CYLD: variants seen among roughly 807,000 people sequenced by gnomAD.
CYLD encodes ubiquitin carboxyl-terminal hydrolase CYLD.
A neutral mutation model predicts 104.5 loss-of-function variants in CYLD; 26 were observed. That is an observed-to-expected ratio of 0.25 (90% CI 0.18 to 0.35). The LOEUF (loss-of-function observed/expected upper bound fraction) is 0.35. CYLD is among the 10% of genes least tolerant of loss of function. CYLD has a pLI of 1.00. For missense variants in CYLD, 703 were observed against 1,136.1 expected, an observed-to-expected ratio of 0.62 and a Z score of 5.48; for synonymous variants, 385 against 399.9, an observed-to-expected ratio of 0.96 and a Z score of 0.45.
intron 7 of CYLD, 65 bp from the exon 8 acceptor site, chr16:50,777,756 TCTTA>T (rs1463666010): frequency 1.3e-6 from 1 of 797,584 alleles, no homozygotes; most frequent in Non-Finnish European, 2.2e-6. Flanking sequence ...TAATAATTTC[TCTTA>T]CTAAAAAAAA....
intron 5 of CYLD, among the ~76,000 whole-genome samples, chr16:50,766,905 T>C (rs1968583933): frequency 6.6e-6 from 1 of 152,234 alleles, no homozygotes; most frequent in Admixed American, 6.5e-5. Context: ...CTGGTGAGGA[T>C]ATTGTGAACA....
At chr16:50,765,344 A>G (rs1686927320) in intron 5 of CYLD, among the ~76,000 whole-genome samples, 1 of 152,146 alleles carries the variant, frequency 6.6e-6, no homozygotes, top group Non-Finnish European at 1.5e-5. Flanking sequence ...AAATTGTTTT[A>G]AGGCACCACA....
chr16:50,784,136 G>A, intron 11 of CYLD, 193 bp from the exon 12 acceptor site: 1 of 562,226 alleles, frequency 1.8e-6, no homozygotes. Context: ...AACATGGAAG[G>A]ATCTGTAGGT....
In CYLD at chr16:50,784,386, C is replaced by T. The variant is rs753958553; in HGVS notation, c.1884C>T (p.Asn628=). ...DTVLLRPKEK[N]DVEYYSETQE... ...TGTTACTTAGACCCAAAGAAAAGAACGATGTAGAATATTATAGTGAAACCC... is the reference window on the plus strand; with the variant it reads ...TGTTACTTAGACCCAAAGAAAAGAATGATGTAGAATATTATAGTGAAACCC... The change falls in exon 12 of 19, where the codon AAC becomes AAT. Residue 628 remains asparagine, a synonymous_variant. Transcript: ENST00000427738. The T allele has an allele frequency of 7.5e-5, 121 of 1,613,036 alleles. No individual in the cohort carries two copies. The highest frequency in any genetic ancestry group is 9.4e-5 in the Non-Finnish European group (111 of 1,179,452).
intron 7 of CYLD, among the ~76,000 whole-genome samples, chr16:50,776,634 A>G (rs1399644247): frequency 6.6e-6 from 1 of 152,208 alleles, no homozygotes; most frequent in African/African-American, 2.4e-5. Flanking sequence ...CTAGAGGTTA[A>G]TTAAATGGAT....
At position 50,797,870 on chromosome 16, in the gene CYLD, T is replaced by TA. The variant is rs528827194; in HGVS notation, c.*1363dup. The TA allele has an allele frequency of 1.6e-4, 38 of 232,488 alleles. No individual in the cohort carries two copies. Among genetic ancestry groups the TA allele is most frequent in the Non-Finnish European group, 2.5e-4 (30 of 117,658 alleles). 14.4% of individuals were successfully genotyped at this position (232,488 alleles called of 1,614,324 possible). On this transcript the variant is annotated 3_prime_UTR_variant, in exon 19 of 19. Transcript: ENST00000427738. ...TGGTTTTATCATTCCATTTTGCTAA[T>TA]ATTTACTAGCTTTATAAATTACAGT...
chr16:50,749,641 T>C lies in CYLD; in HGVS notation c.-58T>C. On this transcript the variant is annotated 5_prime_UTR_variant, in exon 3 of 19. It removes an upstream start codon present in the reference 5' UTR. Transcript: ENST00000427738. ...ACTGAATTTATCTTTTGCGGTTTTA[T>C]GACAAAGTTATTAGTAGTTTCCCTT... is the stretch of plus-strand genomic sequence containing the variant. The C allele has an allele frequency of 6.4e-7, 1 of 1,571,154 alleles. No individual in the cohort carries two copies. Among genetic ancestry groups the C allele is most frequent in the African/African-American group, 1.3e-5 (1 of 74,232 alleles).
chr16:50,781,026 A>T (rs1312062519), intron 9 of CYLD, among the ~76,000 whole-genome samples: 1 of 152,196 alleles, frequency 6.6e-6, no homozygotes, highest in East Asian at 1.9e-4. Context: ...AAATACAAGA[A>T]GGACTTCATG....
Position 50,780,062 on chromosome 16 carries a change from A to C in CYLD, c.1518+18A>C. The C allele has an allele frequency of 6.2e-7, 1 of 1,613,438 alleles. No homozygotes were observed. The highest frequency in any genetic ancestry group is 1.1e-5 in the South Asian group (1 of 91,054). ...TGGAACTGGTAATTTAACTTGACCC[A>C]AAAATTTCAATTTTTTTCTCTGTGA... On this transcript the variant is annotated intron_variant, in intron 9 of 18. Transcript: ENST00000427738.
intron 5 of CYLD, among the ~76,000 whole-genome samples, chr16:50,760,061 TG>T (rs974260647): frequency 2.6e-5 from 4 of 152,226 alleles, no homozygotes; most frequent in African/African-American, 9.6e-5. Context: ...ACATCTTACT[TG>T]CTTTATATGT....
At chr16:50,743,235 C>G (rs1052074059) in intron 2 of CYLD, among the ~76,000 whole-genome samples, 2 of 152,170 alleles carry the variant, frequency 1.3e-5, no homozygotes, top group Non-Finnish European at 2.9e-5. Flanking sequence ...CTCAGAGAAG[C>G]ACCCAGGCCT....
intron 11 of CYLD, among the ~76,000 whole-genome samples, chr16:50,782,763 C>T (rs1238900189): frequency 6.6e-6 from 1 of 152,086 alleles, no homozygotes; most frequent in African/African-American, 2.4e-5. Flanking sequence ...TCTCAAACAA[C>T]ATAACTTGCA....
chr16:50,789,543 T>A (rs1025763166), intron 14 of CYLD, among the ~76,000 whole-genome samples: 3 of 152,026 alleles, frequency 2.0e-5, no homozygotes, highest in African/African-American at 7.3e-5. Context: ...CCTGGGAAGT[T>A]CTTACACCCC....
At chr16:50,761,772 A>ATCTATCTATCTATCTATCTG (rs1198684250) in intron 5 of CYLD, among the ~76,000 whole-genome samples, 1 of 151,840 alleles carries the variant, frequency 6.6e-6, no homozygotes, top group African/African-American at 2.4e-5. Context: ...CTATCTATCT[A>ATCTATCTATCTATCTATCTG]TCTATATCTT....
chr16:50,781,151 A>G (rs1317330259), intron 9 of CYLD, 95 bp from the exon 10 acceptor site: 2 of 1,356,932 alleles, frequency 1.5e-6, no homozygotes, highest in Non-Finnish European at 2.1e-6. Context: ...GTGGTGAGAA[A>G]GGGTATACTA....
intron 17 of CYLD, among the ~76,000 whole-genome samples, chr16:50,793,917 G>C (rs914806014): frequency 7.1e-6 from 1 of 140,572 alleles, no homozygotes; most frequent in African/African-American, 2.8e-5. Flanking sequence ...TCTCATTAAT[G>C]ACATTTTTTT....
chr16:50,745,678 C>T (rs976776172), intron 2 of CYLD, among the ~76,000 whole-genome samples: 5 of 152,138 alleles, frequency 3.3e-5, no homozygotes, highest in Non-Finnish European at 7.4e-5. Flanking sequence ...ACTTCAGCCT[C>T]CAAAGTGCTG....
chr16:50,768,796 A>G (rs1968802966), intron 5 of CYLD, among the ~76,000 whole-genome samples: 1 of 152,068 alleles, frequency 6.6e-6, no homozygotes, highest in Non-Finnish European at 1.5e-5. Context: ...TTTTTTGACG[A>G]TCTCTACGAT....
chr16:50,779,726 A>C lies in CYLD; in HGVS notation c.1200A>C (p.Pro400=), dbSNP rs761420743. The C allele has an allele frequency of 1.2e-6, 2 of 1,613,938 alleles. No individual in the cohort carries two copies. Among genetic ancestry groups the C allele is most frequent in the Non-Finnish European group, 1.7e-6 (2 of 1,179,940 alleles). The change falls in exon 9 of 19, where the codon CCA becomes CCC. Residue 400 remains proline, a synonymous_variant. Coordinates refer to ENST00000427738, the MANE Select transcript of CYLD (RefSeq NM_001378743.1). ...EISTDFDRSS[P]PLQPPPVNSL... is the part of the protein sequence containing the mutation. Reference sequence around the variant, plus strand: ...CTACAGACTTTGACCGTTCTTCACCACCACTCCAGCCTCCTCCTGTGAACT... The same window carrying C: ...CTACAGACTTTGACCGTTCTTCACCCCCACTCCAGCCTCCTCCTGTGAACT...
Sources: allele counts gnomAD v4.1 joint callset (sites outside exome capture counted in the v4.1 genomes callset), GRCh38; gene constraint gnomAD v4.1.1; transcripts MANE v1.5; gene names NCBI Gene and HGNC (gene_info 2026-07-23, HGNC 2026-07-21).